Variants in RSAD1 observed in about 807,000 individuals in gnomAD.
RSAD1 encodes radical S-adenosyl methionine domain-containing protein 1, mitochondrial.
RSAD1 carries 34 observed loss-of-function variants against 46.2 expected under a neutral mutation model. The ratio of observed to expected loss-of-function variants is 0.74; its 90% CI spans 0.56 to 0.98. RSAD1 has a LOEUF of 0.98. Among genes scored for constraint, RSAD1 ranks in the 50% least tolerant of loss-of-function variants. The pLI, the probability that RSAD1 is intolerant of heterozygous loss-of-function variation, is 0.00. For missense variants in RSAD1, 635 were observed against 592.3 expected (o/e 1.07, Z -0.75); for synonymous variants, 260 against 253.5 (o/e 1.03, Z -0.24).
chr17:50,484,320 G>T, intron 7 of RSAD1, 122 bp from the exon 8 acceptor site: 1 of 782,770 alleles, frequency 1.3e-6, no homozygotes. Context: ...CTGCTTTCAT[G>T]CATGTCAGCT....
rs779797616 is a variant in RSAD1 at position 50,479,663 on chromosome 17, A to C, written c.170A>C (p.Asn57Thr). The C allele has an allele frequency of 1.2e-6, 2 of 1,613,850 alleles. No individual in the cohort carries two copies. Among genetic ancestry groups the C allele is most frequent in the Non-Finnish European group, 8.5e-7 (1 of 1,180,050 alleles). The change falls in exon 2 of 9, where the codon AAC becomes ACC. Residue 57 changes from asparagine to threonine, a missense_variant. Transcript: ENST00000258955. The stretch of plus-strand genomic sequence containing the variant: ...TGCGAGAAGCGCTGCAGTTACTGCA[A>C]CTTCAACAAGTACATCCCTCGCCGC... ...PYCEKRCSYC[N>T]FNKYIPRRLE...
At chr17:50,479,259 A>C in intron 1 of RSAD1, 1 of 498,046 alleles carries the variant, frequency 2.0e-6, no homozygotes, top group South Asian at 4.5e-5. Context: ...CAAATTTCAT[A>C]ACAATTTTCC....
At position 50,482,397 on chromosome 17, in the gene RSAD1, C is replaced by A; in HGVS notation, c.781C>A (p.Arg261=). 6.3e-7 allele frequency: 1 copy of A among 1,598,260 alleles called. No individual in the cohort carries two copies. Among genetic ancestry groups the A allele is most frequent in the Non-Finnish European group, 8.5e-7 (1 of 1,173,518 alleles). Residue 261 remains arginine (R), a synonymous_variant, in exon 4 of 9, where the codon CGG becomes AGG. Transcript: ENST00000258955. The part of the protein sequence containing the change: ...ELAAEMYQRG[R]AVLREAGFHQ... ...CGCAGCTGAGATGTACCAGAGGGGC[C>A]GGGCTGTCCTTCGGGAGGCTGGCTT... is the stretch of plus-strand genomic sequence containing the variant.
chr17:50,482,786 C>T, intron 5 of RSAD1, 80 bp downstream of exon 5: 4 of 1,309,470 alleles, frequency 3.1e-6, no homozygotes, highest in Non-Finnish European at 4.3e-6. Flanking sequence ...ATTAACCTCT[C>T]CAAGCCTCTA....
intron 6 of RSAD1, 64 bp downstream of exon 6, chr17:50,483,551 G>A: frequency 1.3e-6 from 2 of 1,594,590 alleles, no homozygotes; most frequent in Non-Finnish European, 1.7e-6. Flanking sequence ...ATGTCTATTT[G>A]TATATCTTTT....
Position 50,479,035 on chromosome 17 carries a change from G to T in RSAD1, c.135+16G>T. On this transcript the variant is annotated intron_variant, in intron 1 of 8. Transcript: ENST00000258955. ...TTACGTACACGTGAGTAGGGGCGGG[G>T]GCGGAGCCCACGGTGTGTGGCCGCA... is the stretch of plus-strand genomic sequence containing the variant. 2.3e-6 allele frequency: 3 copies of T among 1,326,022 alleles called. No individual in the cohort carries two copies. Among genetic ancestry groups the T allele is most frequent in the Non-Finnish European group, 2.9e-6 (3 of 1,042,358 alleles). 82.1% of individuals were successfully genotyped at this position (1,326,022 alleles called of 1,614,324 possible). A position where few individuals can be genotyped will look rare whatever the true frequency, so the allele number is the denominator to read the frequency against.
In RSAD1 at chr17:50,479,669, A is replaced by G. The variant is rs1056239073; in HGVS notation, c.176A>G (p.Asn59Ser). The change falls in exon 2 of 9, where the codon AAC (asparagine) becomes AGC (serine). Residue 59 changes from asparagine (N) to serine (S), a missense_variant. Coordinates refer to ENST00000258955, the MANE Select transcript of RSAD1 (RefSeq NM_018346.3). ...CEKRCSYCNF[N>S]KYIPRRLEEA... ...AAGCGCTGCAGTTACTGCAACTTCA[A>G]CAAGTACATCCCTCGCCGCCTGGAG... The G allele has an allele frequency of 5.0e-6, 8 of 1,613,858 alleles. No homozygotes were observed. The highest frequency in any genetic ancestry group is 2.2e-5 in the South Asian group (2 of 91,092).
chr17:50,482,772 C>T (rs2033398125), intron 5 of RSAD1, 66 bp downstream of exon 5: 1 of 1,429,592 alleles, frequency 7.0e-7, no homozygotes, highest in Non-Finnish European at 9.7e-7. Context: ...TGAACTTGGG[C>T]CACATTAACC....
Position 50,478,947 on chromosome 17 carries a change from C to G in RSAD1, c.63C>G (p.Arg21=). 1 of 1,389,252 alleles carries G rather than the reference C, an allele frequency of 7.2e-7. No individual in the cohort carries two copies. The highest frequency in any genetic ancestry group is 1.6e-5 in the South Asian group (1 of 60,686). The allele number at this position is 1,389,252 out of a possible 1,614,324, so 86.1% of individuals were successfully genotyped here. ...WAAAARAAQR[R]RRVENAGGSP... is the part of the protein sequence containing the mutation. ...CAGCAGCCAGAGCGGCCCAGAGGCG[C>G]CGCCGCGTGGAGAACGCAGGAGGGT... The change falls in exon 1 of 9, where the codon CGC becomes CGG. Residue 21 remains arginine (R), a synonymous_variant. Transcript: ENST00000258955.
rs1211241188 is a variant in RSAD1 at position 50,478,906 on chromosome 17, G to A, written c.22G>A (p.Ala8Thr). The A allele has an allele frequency of 1.2e-5, 16 of 1,319,066 alleles. No individual in the cohort carries two copies. The highest frequency in any genetic ancestry group is 1.5e-5 in the Non-Finnish European group (16 of 1,042,094). 81.7% of individuals were successfully genotyped at this position (1,319,066 alleles called of 1,614,324 possible). The change falls in exon 1 of 9, where the codon GCT becomes ACT. Residue 8 changes from alanine (A) to threonine (T), a missense_variant. Transcript: ENST00000258955. MALPGARARGWAAAARAA... is the reference protein window; with the variant it reads MALPGARTRGWAAAARAA... ...CGCCATGGCGCTCCCCGGAGCCCGG[G>A]CTCGCGGCTGGGCGGCAGCAGCCAG...
rs2033348414 is a variant in RSAD1, at chr17:50,479,231, G to C, written c.135+212G>C. 7.7e-6 allele frequency: 4 copies of C among 520,666 alleles called. No homozygotes were observed. The Admixed American group carries it at 1.2e-4, about 15-fold the overall frequency. The allele number at this position is 520,666 out of a possible 1,614,324, so 32.3% of individuals were successfully genotyped here. A position where few individuals can be genotyped will look rare whatever the true frequency, so the allele number is the denominator to read the frequency against. On this transcript the variant is annotated intron_variant, in intron 1 of 8. Coordinates refer to ENST00000258955, the MANE Select transcript of RSAD1 (RefSeq NM_018346.3). The stretch of plus-strand genomic sequence containing the variant: ...AGTCTCTGCTACTCACCGGCTCGGT[G>C]ACTCTGACCAAATGGTTCAAATTTC...
Position 50,483,467 on chromosome 17 carries a change from C to T in RSAD1, c.1032C>T (p.Val344=), listed in dbSNP as rs199724111. ...TTGGCCATGGCACCCGGAAGCGTGT[C>T]CCCCTGGGCAGGCTGGAGCTGTGAG... ...MLFGHGTRKR[V]PLGRLELLEE... The change falls in exon 6 of 9, where the codon GTC becomes GTT. Residue 344 remains valine, a synonymous_variant. Coordinates refer to ENST00000258955, the MANE Select transcript of RSAD1 (RefSeq NM_018346.3). The T allele has an allele frequency of 1.7e-5, 27 of 1,612,896 alleles. 1 individual carries two copies. In the South Asian group the frequency reaches 2.3e-4, roughly 14 times the overall value.
At chr17:50,483,990 A>G in intron 7 of RSAD1, 2 of 528,790 alleles carry the variant, frequency 3.8e-6, no homozygotes, top group Non-Finnish European at 6.6e-6. Context: ...CCCTCATTTT[A>G]CTGCAACCTT....
intron 3 of RSAD1, among the ~76,000 whole-genome samples, chr17:50,481,228 A>G (rs1206897160): frequency 6.6e-6 from 1 of 152,212 alleles, no homozygotes; most frequent in Non-Finnish European, 1.5e-5. Context: ...GGAAATTACT[A>G]CAGTAGATGT....
chr17:50,480,186 C>T (rs1242304447), intron 3 of RSAD1, 102 bp downstream of exon 3: 8 of 1,249,234 alleles, frequency 6.4e-6, no homozygotes, highest in Middle Eastern at 1.9e-4. Context: ...TGAGCACCTT[C>T]TGGGTGCCAG....
Position 50,482,399 on chromosome 17 carries a change from G to A in RSAD1, c.783G>A (p.Arg261=). ...ELAAEMYQRG[R]AVLREAGFHQ... ...CAGCTGAGATGTACCAGAGGGGCCG[G>A]GCTGTCCTTCGGGAGGCTGGCTTCC... Residue 261 remains arginine (R), a synonymous_variant, in exon 4 of 9, where the codon CGG becomes CGA. Coordinates refer to ENST00000258955, the MANE Select transcript of RSAD1 (RefSeq NM_018346.3). The A allele has an allele frequency of 4.4e-6, 7 of 1,598,012 alleles. No homozygotes were observed. Among genetic ancestry groups the A allele is most frequent in the Non-Finnish European group, 6.0e-6 (7 of 1,173,478 alleles).
chr17:50,483,401 G>C lies in RSAD1; in HGVS notation c.966G>C (p.Gln322His), dbSNP rs2033408925. Reference sequence around the variant, plus strand: ...GCCACACCCGGGAGGCTCGGATCCAGACACTGGAGCCTGACAACTGGATGA... The same window carrying C: ...GCCACACCCGGGAGGCTCGGATCCACACACTGGAGCCTGACAACTGGATGA... ...AGGHTREARI[Q>H]TLEPDNWMKE... Residue 322 changes from glutamine to histidine, a missense_variant, in exon 6 of 9, where the codon CAG becomes CAC. Physicochemically the swap from Gln to His is conservative, Grantham distance 24. Transcript: ENST00000258955. 2.5e-6 allele frequency: 4 copies of C among 1,613,838 alleles called. No homozygotes were observed. In the South Asian group the frequency reaches 4.4e-5, roughly 18 times the overall value.
At position 50,485,153 on chromosome 17, in the gene RSAD1, A is replaced by G. The variant is rs1159086368; in HGVS notation, c.*292A>G. 2.3e-6 allele frequency: 1 copy of G among 435,880 alleles called. No individual in the cohort carries two copies. The highest frequency in any genetic ancestry group is 4.1e-6 in the Non-Finnish European group (1 of 242,148). The allele number at this position is 435,880 out of a possible 1,614,324, so 27.0% of individuals were successfully genotyped here. A position where few individuals can be genotyped will look rare whatever the true frequency, so the allele number is the denominator to read the frequency against. On this transcript the variant is annotated 3_prime_UTR_variant, in exon 9 of 9. Transcript: ENST00000258955. ...TTTACCTTTTTGGCATCAAATAATGAACAGTGTTTGGAAATCTTTCTACAG... is the reference window on the plus strand; with the variant it reads ...TTTACCTTTTTGGCATCAAATAATGGACAGTGTTTGGAAATCTTTCTACAG...
chr17:50,479,646 G>A lies in RSAD1; in HGVS notation c.153G>A (p.Lys51=), dbSNP rs202238393. ...ALYVHWPYCE[K]RCSYCNFNKY... is the part of the protein sequence containing the mutation. ...GCCCCCAGTGGCCTTACTGCGAGAA[G>A]CGCTGCAGTTACTGCAACTTCAACA... is the stretch of plus-strand genomic sequence containing the variant. Residue 51 remains lysine, a synonymous_variant, in exon 2 of 9, where the codon AAG becomes AAA. Coordinates refer to ENST00000258955, the MANE Select transcript of RSAD1 (RefSeq NM_018346.3). The A allele has an allele frequency of 1.2e-5, 20 of 1,613,836 alleles. No individual in the cohort carries two copies. In the Admixed American group the frequency reaches 2.2e-4, roughly 17 times the overall value.
Sources: gnomAD v4.1 joint callset for allele counts (sites outside exome capture counted in the v4.1 genomes callset) on GRCh38, gnomAD v4.1.1 for gene constraint, MANE v1.5 for transcripts, NCBI Gene and HGNC (gene_info 2026-07-23, HGNC 2026-07-21) for gene names.